LRP1B: variants seen among roughly 807,000 people sequenced by gnomAD.
LRP1B encodes low-density lipoprotein receptor-related protein 1B.
LRP1B carries 217 observed loss-of-function variants against 556.6 expected under a neutral mutation model. The observed-to-expected ratio is 0.39, with a 90% CI of 0.35 to 0.44. The LOEUF (loss-of-function observed/expected upper bound fraction) is 0.44. Among genes scored for constraint, LRP1B ranks in the 20% least tolerant of loss-of-function variants. The probability of loss-of-function intolerance (pLI) is 1.00; values close to 1 mark genes in which losing one functional copy is unlikely to be tolerated. For synonymous variants in LRP1B, 2,047 were observed against 1,865.8 expected (o/e 1.10, Z -2.50); for missense variants, 5,053 against 5,620.8 (o/e 0.90, Z 3.23).
chr2:140,442,453 AGAT>A (rs751452878), intron 66 of LRP1B, 48 bp downstream of exon 66: 1 of 1,573,884 alleles, frequency 6.4e-7, no homozygotes, highest in South Asian at 1.2e-5. Context: ...TGGTTGTCGC[AGAT>A]GATGACTCAA....
intron 2 of LRP1B, among the ~76,000 whole-genome samples, chr2:141,542,564 CTTTGA>C (rs1685300087): frequency 6.6e-6 from 1 of 151,888 alleles, no homozygotes; most frequent in African/African-American, 2.4e-5. Flanking sequence ...AGGTTGTATG[CTTTGA>C]TTTTTCATCT....
At chr2:140,959,679 A>C (rs1343364520) in intron 18 of LRP1B, among the ~76,000 whole-genome samples, 1 of 151,806 alleles carries the variant, frequency 6.6e-6, no homozygotes, top group Admixed American at 6.6e-5. Context: ...AAGTATCTCA[A>C]GTAAATTAAT....
At chr2:141,229,074 A>G (rs1683361772) in intron 6 of LRP1B, 109 bp downstream of exon 6, 2 of 1,078,772 alleles carry the variant, frequency 1.9e-6, no homozygotes, top group Non-Finnish European at 2.8e-6. Context: ...ATTTGCACAT[A>G]CAGCTTTCCA....
At chr2:141,767,420 G>A (rs1694764039) in intron 2 of LRP1B, among the ~76,000 whole-genome samples, 1 of 151,966 alleles carries the variant, frequency 6.6e-6, no homozygotes, top group Admixed American at 6.6e-5. Context: ...TTATTGGATA[G>A]GTTCAGGTCA....
intron 3 of LRP1B, among the ~76,000 whole-genome samples, chr2:141,342,256 AAT>A (rs1181444063): frequency 1.4e-4 from 18 of 124,386 alleles, no homozygotes; most frequent in Admixed American, 3.2e-4. Flanking sequence ...AAAAAAAAAA[AAT>A]AAAATAAATA....
intron 27 of LRP1B, among the ~76,000 whole-genome samples, chr2:140,854,834 G>A (rs1375678835): frequency 2.0e-5 from 3 of 152,130 alleles, no homozygotes; most frequent in Non-Finnish European, 4.4e-5. Context: ...TTTTATAAGA[G>A]ACACTACTGC....
chr2:141,809,541 T>C (rs375787818), intron 2 of LRP1B, among the ~76,000 whole-genome samples: 2 of 152,128 alleles, frequency 1.3e-5, no homozygotes, highest in African/African-American at 4.8e-5. Context: ...TAAGTGGGTA[T>C]TAAAAAAAGT....
intron 1 of LRP1B, among the ~76,000 whole-genome samples, chr2:141,895,048 C>CAAAAAAAAAAAAAAAAAAA (rs369108197): frequency 3.8e-5 from 3 of 78,512 alleles, no homozygotes; most frequent in Non-Finnish European, 7.3e-5. Flanking sequence ...AACTCCATCT[C>CAAAAAAAAAAAAAAAAAAA]AAAAAAAAAA....
chr2:141,326,268 G>A (rs1046757820), intron 3 of LRP1B, among the ~76,000 whole-genome samples: 2 of 152,026 alleles, frequency 1.3e-5, no homozygotes, highest in Admixed American at 1.3e-4. Context: ...TTTGATAAAA[G>A]TATTTTCAGA....
At chr2:141,690,405 A>ATATATATC (rs1691477685) in intron 2 of LRP1B, among the ~76,000 whole-genome samples, 2 of 63,176 alleles carry the variant, frequency 3.2e-5, no homozygotes, top group Non-Finnish European at 7.4e-5. Context: ...AAATATATAT[A>ATATATATC]TATATATATA....
At chr2:140,907,239 A>G (rs1334543667) in intron 22 of LRP1B, among the ~76,000 whole-genome samples, 1 of 152,062 alleles carries the variant, frequency 6.6e-6, no homozygotes, top group Non-Finnish European at 1.5e-5. Context: ...TAAATCTCTG[A>G]TCTCCCGGAA....
chr2:141,631,931 A>T (rs1688927318), intron 2 of LRP1B, among the ~76,000 whole-genome samples: 1 of 151,988 alleles, frequency 6.6e-6, no homozygotes. Context: ...TTTTTTAGAC[A>T]GGGTTTCAGT....
At chr2:141,153,343 T>C (rs1264500137) in intron 7 of LRP1B, among the ~76,000 whole-genome samples, 1 of 77,084 alleles carries the variant, frequency 1.3e-5, no homozygotes, top group Admixed American at 1.9e-4. Flanking sequence ...TAATAATATA[T>C]TATATATTAG....
intron 7 of LRP1B, among the ~76,000 whole-genome samples, chr2:141,100,945 A>T (rs188140052): frequency 6.6e-6 from 1 of 152,254 alleles, no homozygotes; most frequent in East Asian, 1.9e-4. Context: ...CCAAGAGTAC[A>T]GAAAGGGTTT....
intron 1 of LRP1B, among the ~76,000 whole-genome samples, chr2:142,097,722 G>A (rs7583748): frequency 0.88 from 133,599 of 151,610 alleles, 58,993 homozygotes; most frequent in East Asian, 0.94. Flanking sequence ...CCATGTAATT[G>A]CCATCAAACT....
chr2:141,381,661 C>T (rs1444861352), intron 3 of LRP1B, among the ~76,000 whole-genome samples: 1 of 151,784 alleles, frequency 6.6e-6, no homozygotes, highest in Non-Finnish European at 1.5e-5. Flanking sequence ...GATTTACATA[C>T]AAGAGAAGCT....
chr2:141,007,010 G>A (rs973298628), intron 14 of LRP1B, among the ~76,000 whole-genome samples: 1 of 151,890 alleles, frequency 6.6e-6, no homozygotes, highest in Admixed American at 6.6e-5. Flanking sequence ...TAATGTAATT[G>A]TAGGGTCATA....
intron 27 of LRP1B, among the ~76,000 whole-genome samples, chr2:140,866,157 G>A (rs930623893): frequency 6.6e-6 from 1 of 152,054 alleles, no homozygotes; most frequent in African/African-American, 2.4e-5. Context: ...CAAACAATCT[G>A]AGGGACAAAA....
intron 2 of LRP1B, among the ~76,000 whole-genome samples, chr2:141,553,775 TATATATAA>T (rs1685846820): frequency 7.2e-6 from 1 of 139,388 alleles, no homozygotes; most frequent in Non-Finnish European, 1.5e-5. Flanking sequence ...ATGTTTATAT[TATATATAA>T]ATATATAGAA....
Sources: allele counts gnomAD v4.1 joint callset (sites outside exome capture counted in the v4.1 genomes callset), GRCh38; gene constraint gnomAD v4.1.1; transcripts MANE v1.5; gene names NCBI Gene and HGNC (gene_info 2026-07-23, HGNC 2026-07-21).